The following ESR1 variants were observed in gnomAD, a reference collection of about 807,000 sequenced individuals.
The protein encoded by ESR1 is estrogen receptor 1, also known as estrogen receptor.
A neutral mutation model predicts 52.7 loss-of-function variants in ESR1; 12 were observed. That is an observed-to-expected ratio of 0.23 (90% CI 0.15 to 0.37). The LOEUF is 0.37. ESR1 is among the 10% of genes least tolerant of loss of function. The pLI, the probability that ESR1 is intolerant of heterozygous loss-of-function variation, is 1.00. For missense variants in ESR1, 584 were observed against 779.7 expected, an observed-to-expected ratio of 0.75 and a Z score of 2.99; for synonymous variants, 305 against 316.8, an observed-to-expected ratio of 0.96 and a Z score of 0.39.
chr6:151,708,732 C>A (rs1006225238), intron 2 of ESR1, among the ~76,000 whole-genome samples: 1 of 151,968 alleles, frequency 6.6e-6, no homozygotes, highest in Non-Finnish European at 1.5e-5. Flanking sequence ...ATATCCTTGA[C>A]CTATTTCTCC....
chr6:152,115,058 TC>T (rs1213959703), intron 6 of ESR1, among the ~76,000 whole-genome samples: 1 of 152,112 alleles, frequency 6.6e-6, no homozygotes, highest in Non-Finnish European at 1.5e-5. Flanking sequence ...TAAAGTGCTT[TC>T]CCCACTCTGA....
chr6:151,812,863 A>G (rs1300522588), intron 1 of ESR1, among the ~76,000 whole-genome samples: 1 of 152,178 alleles, frequency 6.6e-6, no homozygotes, highest in Non-Finnish European at 1.5e-5. Flanking sequence ...AAACCAGCCA[A>G]AGCGAAAGTG....
intron 2 of ESR1, among the ~76,000 whole-genome samples, chr6:151,726,992 T>A (rs919406809): frequency 9.2e-5 from 14 of 152,174 alleles, no homozygotes; most frequent in African/African-American, 3.1e-4. Context: ...CTCTACAGAT[T>A]TCTGTAGAAC....
chr6:151,838,891 T>C (rs1174006738), intron 1 of ESR1, among the ~76,000 whole-genome samples: 1 of 152,150 alleles, frequency 6.6e-6, no homozygotes, highest in African/African-American at 2.4e-5. Context: ...ATGAATGGCA[T>C]TTTGCTGACA....
At chr6:152,000,786 T>G (rs1446322308) in intron 4 of ESR1, among the ~76,000 whole-genome samples, 3 of 152,058 alleles carry the variant, frequency 2.0e-5, no homozygotes, top group Non-Finnish European at 4.4e-5. Context: ...TTTGTTTTGT[T>G]TTTTGGTCTT....
intron 1 of ESR1, among the ~76,000 whole-genome samples, chr6:151,673,395 A>G (rs1778144414): frequency 6.6e-6 from 1 of 152,164 alleles, no homozygotes; most frequent in Non-Finnish European, 1.5e-5. Context: ...AGAGTGTACC[A>G]TTCATATTAC....
intron 1 of ESR1, among the ~76,000 whole-genome samples, chr6:151,668,643 C>T (rs993479225): frequency 6.6e-6 from 1 of 152,194 alleles, no homozygotes; most frequent in African/African-American, 2.4e-5. Context: ...GGGAAGGGCC[C>T]TCATGCCTAA....
chr6:152,127,366 A>G (rs1446588840), exon 7 of ESR1: 1 of 152,194 alleles, frequency 6.6e-6, no homozygotes, highest in Admixed American at 6.5e-5. Flanking sequence ...GAGGTAAAAC[A>G]CATACAATGC....
At chr6:151,898,558 T>G (rs1384697137) in intron 3 of ESR1, among the ~76,000 whole-genome samples, 4 of 152,166 alleles carry the variant, frequency 2.6e-5, no homozygotes, top group East Asian at 1.9e-4. Flanking sequence ...CTTCTGCAGT[T>G]TTTGTGTCCC....
chr6:151,864,508 A>G (rs1293595125), intron 2 of ESR1, among the ~76,000 whole-genome samples: 1 of 152,200 alleles, frequency 6.6e-6, no homozygotes, highest in Non-Finnish European at 1.5e-5. Context: ...AACTGGTTCA[A>G]CCATTGTGGA....
intron 5 of ESR1, among the ~76,000 whole-genome samples, chr6:152,034,860 A>T (rs574572366): frequency 1.3e-5 from 2 of 152,316 alleles, no homozygotes; most frequent in Admixed American, 6.5e-5. Context: ...CATCACTGTA[A>T]AGACTCTGAA....
chr6:151,899,143 C>T lies in ESR1; in HGVS notation c.760+18372C>T, dbSNP rs1209959151. On this transcript the variant is annotated intron_variant, in intron 3 of 7. Coordinates refer to ENST00000206249, the MANE Select transcript of ESR1 (RefSeq NM_000125.4). ...GCGGGGGGCTGACCCCCCCGCCTCC[C>T]TCCCGGACGGGGCGGCTGGCCGGGC... Among the ~76,000 whole-genome samples the T allele has an allele frequency of 3.1e-4, 45 of 144,658 alleles. 1 individual carries two copies. In the East Asian group the frequency reaches 3.6e-3, roughly 12 times the overall value. The allele number at this position is 144,658 out of a possible 152,430, so 94.9% of individuals were successfully genotyped here.
intron 6 of ESR1, among the ~76,000 whole-genome samples, chr6:152,121,512 T>C (rs958103067): frequency 2.4e-4 from 36 of 152,086 alleles, no homozygotes; most frequent in African/African-American, 8.7e-4. Context: ...TCACCTGGGG[T>C]CTTCTATGTC....
At chr6:152,015,912 T>C (rs971880316) in intron 5 of ESR1, among the ~76,000 whole-genome samples, 9 of 152,176 alleles carry the variant, frequency 5.9e-5, no homozygotes, top group Non-Finnish European at 1.3e-4. Flanking sequence ...AGTAAAATCC[T>C]TAAGGTCTCT....
At chr6:151,795,994 A>T (rs1583320764) in intron 2 of ESR1, among the ~76,000 whole-genome samples, 1 of 23,756 alleles carries the variant, frequency 4.2e-5, no homozygotes, top group Admixed American at 4.4e-4. Flanking sequence ...TAAAAATACC[A>T]AAAAAAAAAA....
At chr6:151,946,167 GAAAC>G (rs1445531310) in intron 4 of ESR1, among the ~76,000 whole-genome samples, 11 of 152,126 alleles carry the variant, frequency 7.2e-5, no homozygotes, top group Non-Finnish European at 1.0e-4. Flanking sequence ...TAGGGAAAGA[GAAAC>G]AAACAAACAA....
In ESR1 at chr6:152,074,072, A is replaced by G. The variant is rs559739665; in HGVS notation, c.1369+12948A>G. On this transcript the variant is annotated intron_variant, in intron 6 of 7. Transcript: ENST00000206249. The stretch of plus-strand genomic sequence containing the variant: ...GTCTCCCTCACTATCAGCATCCCCA[A>G]CCAGAGAGGTACATTGGTTACAGCT... 4.6e-5 allele frequency among the ~76,000 whole-genome samples: 7 copies of G among 152,178 alleles called. No homozygotes were observed. The South Asian group carries it at 1.0e-3, about 23-fold the overall frequency.
At chr6:151,979,796 T>C (rs2039819692) in intron 4 of ESR1, among the ~76,000 whole-genome samples, 1 of 152,212 alleles carries the variant, frequency 6.6e-6, no homozygotes, top group African/African-American at 2.4e-5. Flanking sequence ...GGAACATAAA[T>C]CTTAGGCACA....
intron 4 of ESR1, among the ~76,000 whole-genome samples, chr6:151,985,526 A>AAC (rs1316086773): frequency 1.4e-4 from 20 of 139,688 alleles, no homozygotes; most frequent in African/African-American, 5.3e-4. Flanking sequence ...AAAAAAAAAA[A>AAC]AAAAAAACAC....
Sources: allele counts gnomAD v4.1 joint callset (sites outside exome capture counted in the v4.1 genomes callset), GRCh38; gene constraint gnomAD v4.1.1; transcripts MANE v1.5; gene names NCBI Gene and HGNC (gene_info 2026-07-23, HGNC 2026-07-21).